Variants in MYBL2 observed in about 807,000 individuals in gnomAD.
The protein encoded by MYBL2 is myb-related protein B.
In MYBL2, 28 loss-of-function variants were observed where a neutral mutation model predicts 79.9. The ratio of observed to expected loss-of-function variants is 0.35; its 90% CI spans 0.26 to 0.48. MYBL2 has a LOEUF of 0.48. Ranked by LOEUF, MYBL2 falls within the 20% of genes least tolerant of loss-of-function variation. MYBL2 has a pLI of 0.99. For synonymous variants in MYBL2, 378 were observed against 361.2 expected, an observed-to-expected ratio of 1.05 and a Z score of -0.53; for missense variants, 735 against 893.9, an observed-to-expected ratio of 0.82 and a Z score of 2.27.
At chr20:43,699,276 C>T (rs531955932) in intron 6 of MYBL2, among the ~76,000 whole-genome samples, 1 of 151,970 alleles carries the variant, frequency 6.6e-6, no homozygotes, top group Non-Finnish European at 1.5e-5. Context: ...GAACTCTTGA[C>T]CTCAGGTGAT....
At chr20:43,709,666 TC>T (rs771211180) in intron 9 of MYBL2, among the ~76,000 whole-genome samples, 11 of 152,172 alleles carry the variant, frequency 7.2e-5, no homozygotes, top group Non-Finnish European at 1.6e-4. Flanking sequence ...CTCTCACTGT[TC>T]CTGAAGTGTG....
chr20:43,669,674 T>C (rs2145703528), intron 1 of MYBL2, among the ~76,000 whole-genome samples: 1 of 152,320 alleles, frequency 6.6e-6, no homozygotes, highest in African/African-American at 2.4e-5. Context: ...AGAGCCTGGC[T>C]CTATGAACTT....
chr20:43,712,376 G>A (rs115483941), intron 11 of MYBL2, among the ~76,000 whole-genome samples: 1,583 of 152,266 alleles, frequency 0.01, 27 homozygotes, highest in African/African-American at 0.035. Flanking sequence ...CCATGTGCAC[G>A]TGGAGAGAAC....
rs534058210 is a variant in MYBL2 at position 43,715,191 on chromosome 20, A to T, written c.1882A>T (p.Asn628Tyr). 2.1e-4 allele frequency: 341 copies of T among 1,614,262 alleles called. 3 individuals carry two copies. In the South Asian group the frequency reaches 3.4e-3, roughly 16 times the overall value. Reference sequence around the variant, plus strand: ...CACCCTGTCAGGTATCAAAGAAGACAACAGCTTGCTCAACCAGGGCTTCTT... The same window carrying T: ...CACCCTGTCAGGTATCAAAGAAGACTACAGCTTGCTCAACCAGGGCTTCTT... ...SLTLSGIKED[N>Y]SLLNQGFLQA... Residue 628 changes from asparagine (N) to tyrosine (Y), a missense_variant, in exon 13 of 14, where the codon AAC becomes TAC. Asn to Tyr is a moderately radical substitution (Grantham distance 143). This residue lies in a region of MYBL2 where 204 missense variants were observed against 202.9 expected (regional missense o/e 1.01). Coordinates refer to ENST00000217026, the MANE Select transcript of MYBL2 (RefSeq NM_002466.4).
chr20:43,703,015 C>A, intron 8 of MYBL2, 112 bp downstream of exon 8: 1 of 1,224,364 alleles, frequency 8.2e-7, no homozygotes, highest in Non-Finnish European at 1.1e-6. Context: ...GCAGCTTATG[C>A]TCTGGTAGGA....
At chr20:43,714,302 G>A (rs1987979490) in intron 12 of MYBL2, among the ~76,000 whole-genome samples, 1 of 152,212 alleles carries the variant, frequency 6.6e-6, no homozygotes, top group African/African-American at 2.4e-5. Flanking sequence ...GGTTGAAGCT[G>A]CGTCTTTATG....
intron 2 of MYBL2, among the ~76,000 whole-genome samples, chr20:43,676,070 A>G (rs910223358): frequency 6.6e-6 from 1 of 151,684 alleles, no homozygotes; most frequent in African/African-American, 2.4e-5. Flanking sequence ...ACGCCTGGTA[A>G]ATTTTTGTAT....
At chr20:43,672,328 A>G (rs1986887101) in intron 1 of MYBL2, among the ~76,000 whole-genome samples, 1 of 7,212 alleles carries the variant, frequency 1.4e-4, no homozygotes, top group Non-Finnish European at 5.7e-4. Flanking sequence ...GGTGGTGCAC[A>G]CCTGTAATCC....
intron 2 of MYBL2, 123 bp from the exon 3 acceptor site, chr20:43,681,661 C>T (rs1987145511): frequency 8.3e-6 from 8 of 968,340 alleles, no homozygotes; most frequent in East Asian, 2.5e-5. Flanking sequence ...GCACCTTGTA[C>T]GTATTCACTT....
chr20:43,669,012 C>T (rs1986791993), intron 1 of MYBL2, among the ~76,000 whole-genome samples: 2 of 152,024 alleles, frequency 1.3e-5, no homozygotes, highest in Admixed American at 6.6e-5. Flanking sequence ...TATGGGCACA[C>T]GCCGCCACGC....
intron 5 of MYBL2, among the ~76,000 whole-genome samples, chr20:43,691,661 T>A (rs1050455883): frequency 6.6e-6 from 1 of 151,838 alleles, no homozygotes; most frequent in Non-Finnish European, 1.5e-5. Context: ...TTCCTCAGAC[T>A]CCCAAGTAGC....
chr20:43,706,097 G>C (rs1987777185), intron 9 of MYBL2, among the ~76,000 whole-genome samples: 1 of 152,210 alleles, frequency 6.6e-6, no homozygotes, highest in African/African-American at 2.4e-5. Flanking sequence ...AAAACGCTGG[G>C]ATTACAGGCG....
At chr20:43,713,879 A>T (rs183545953) in intron 12 of MYBL2, among the ~76,000 whole-genome samples, 171 of 152,178 alleles carry the variant, frequency 1.1e-3, no homozygotes, top group Admixed American at 2.7e-3. Context: ...CTCTGCTCAC[A>T]ATGGGGTGAG....
intron 11 of MYBL2, among the ~76,000 whole-genome samples, chr20:43,712,614 T>C (rs1282281579): frequency 6.6e-6 from 1 of 152,142 alleles, no homozygotes; most frequent in African/African-American, 2.4e-5. Context: ...CTGAGGGGTT[T>C]GTGTTCCCAT....
chr20:43,669,196 C>T (rs1350541026), intron 1 of MYBL2, among the ~76,000 whole-genome samples: 1 of 152,176 alleles, frequency 6.6e-6, no homozygotes, highest in Non-Finnish European at 1.5e-5. Context: ...TGTGTCTCAC[C>T]TCACTATGTT....
chr20:43,681,008 A>C (rs528162528), intron 2 of MYBL2, among the ~76,000 whole-genome samples: 3 of 151,906 alleles, frequency 2.0e-5, no homozygotes, highest in Non-Finnish European at 4.4e-5. Flanking sequence ...CTTAGTTTAC[A>C]TTTTCTAGAA....
intron 7 of MYBL2, among the ~76,000 whole-genome samples, chr20:43,700,526 G>A (rs1282961859): frequency 6.6e-6 from 1 of 152,164 alleles, no homozygotes; most frequent in Non-Finnish European, 1.5e-5. Flanking sequence ...TGTGTTGGCT[G>A]TGTGGTTGTG....
At chr20:43,698,904 C>G (rs941214702) in intron 6 of MYBL2, among the ~76,000 whole-genome samples, 7 of 137,940 alleles carry the variant, frequency 5.1e-5, no homozygotes, top group African/African-American at 1.9e-4. Context: ...GTGGTGTGAT[C>G]ATAGCCCATT....
intron 5 of MYBL2, among the ~76,000 whole-genome samples, chr20:43,688,171 C>T (rs1987324673): frequency 6.6e-6 from 1 of 151,758 alleles, no homozygotes; most frequent in African/African-American, 2.4e-5. Flanking sequence ...AAGGGCTCCT[C>T]CCTTTTCTGG....
Sources: gnomAD v4.1 joint callset for allele counts (sites outside exome capture counted in the v4.1 genomes callset) on GRCh38, gnomAD v4.1.1 for gene constraint, gnomAD v4.1.1 regional missense constraint, MANE v1.5 for transcripts, NCBI Gene and HGNC (gene_info 2026-07-23, HGNC 2026-07-21) for gene names.